DOCK1: variants seen among roughly 807,000 people sequenced by gnomAD.
DOCK1 encodes dedicator of cytokinesis 1.
In DOCK1, 138 loss-of-function variants were observed where a neutral mutation model predicts 262.7. That is an observed-to-expected ratio of 0.53 (90% CI 0.46 to 0.61). DOCK1 has a LOEUF of 0.61. Among genes scored for constraint, DOCK1 ranks in the 20% least tolerant of loss-of-function variants. The probability of loss-of-function intolerance (pLI) is 0.00; values close to 1 mark genes in which losing one functional copy is unlikely to be tolerated. For synonymous variants in DOCK1, 866 were observed against 867.4 expected, an observed-to-expected ratio of 1.00 and a Z score of 0.03; for missense variants, 1,908 against 2,370.7, an observed-to-expected ratio of 0.80 and a Z score of 4.05.
At chr10:127,070,560 A>G (rs1269722664) in intron 23 of DOCK1, among the ~76,000 whole-genome samples, 1 of 151,672 alleles carries the variant, frequency 6.6e-6, no homozygotes, top group African/African-American at 2.4e-5. Context: ...CCTGAACGTA[A>G]CCTTTTGAAG....
chr10:127,442,169 A>C (rs972819721), intron 49 of DOCK1, among the ~76,000 whole-genome samples: 2 of 151,878 alleles, frequency 1.3e-5, no homozygotes, highest in Non-Finnish European at 1.5e-5. Context: ...TCTGTCACTC[A>C]TTTACCAGAG....
chr10:126,920,152 T>C (rs2033033040), intron 1 of DOCK1, among the ~76,000 whole-genome samples: 1 of 152,186 alleles, frequency 6.6e-6, no homozygotes, highest in Non-Finnish European at 1.5e-5. Flanking sequence ...TGTGGCGATG[T>C]TGGTGGGTTG....
rs2062646843 is a variant in DOCK1, at chr10:127,323,934, GA to G, written c.3045-15071del. 3.3e-5 allele frequency among the ~76,000 whole-genome samples: 5 copies of G among 152,236 alleles called. No individual in the cohort carries two copies. In the South Asian group the frequency reaches 1.0e-3, roughly 31 times the overall value. On this transcript the variant is annotated intron_variant, in intron 29 of 51. Coordinates refer to ENST00000623213, the MANE Select transcript of DOCK1 (RefSeq NM_001290223.2). Reference sequence around the variant, plus strand: ...TGTGTGGTTGCCAAAGCCTCCTGTGGAGTAAGGCCCTGCACTGCTTCATCCT... The same window carrying G: ...TGTGTGGTTGCCAAAGCCTCCTGTGGGTAAGGCCCTGCACTGCTTCATCCT...
chr10:127,106,884 C>T (rs888994445), intron 24 of DOCK1, among the ~76,000 whole-genome samples: 6 of 152,110 alleles, frequency 3.9e-5, no homozygotes. Flanking sequence ...GCCAGGTGTG[C>T]TGTTTGTTTC....
intron 27 of DOCK1, among the ~76,000 whole-genome samples, chr10:127,169,490 G>T (rs2054368711): frequency 6.6e-6 from 1 of 152,162 alleles, no homozygotes. Flanking sequence ...TATGAATATG[G>T]TCACTGTATT....
chr10:127,025,446 C>T (rs184908759), intron 15 of DOCK1, among the ~76,000 whole-genome samples: 17 of 152,102 alleles, frequency 1.1e-4, no homozygotes, highest in Admixed American at 5.2e-4. Flanking sequence ...AGAAGAAAAA[C>T]GGCAACTTTT....
chr10:127,212,405 G>A (rs942793772), intron 27 of DOCK1, among the ~76,000 whole-genome samples: 2 of 152,176 alleles, frequency 1.3e-5, no homozygotes, highest in African/African-American at 2.4e-5. Flanking sequence ...ATATGCAAGC[G>A]TCGTGAGATC....
chr10:127,363,015 ACACACACACACACATGCACCTCCCCC>A (rs2064667874), intron 33 of DOCK1, among the ~76,000 whole-genome samples: 1 of 35,286 alleles, frequency 2.8e-5, no homozygotes, highest in South Asian at 9.1e-4. Context: ...GCACATCCCC[ACACACACACACACATGCACCTCCCCC>A]CACACACACA....
chr10:127,277,881 T>C (rs1483194068), intron 29 of DOCK1, among the ~76,000 whole-genome samples: 1 of 152,240 alleles, frequency 6.6e-6, no homozygotes, highest in Admixed American at 6.5e-5. Context: ...AGTCATCTTT[T>C]TAATCTTTTC....
rs528509983 is a variant in DOCK1, at chr10:127,393,333, C to G, written c.3927+8424C>G. 3.3e-5 allele frequency among the ~76,000 whole-genome samples: 5 copies of G among 152,306 alleles called. No homozygotes were observed. The South Asian group carries it at 1.0e-3, about 32-fold the overall frequency. On this transcript the variant is annotated intron_variant, in intron 38 of 51. Coordinates refer to ENST00000623213, the MANE Select transcript of DOCK1 (RefSeq NM_001290223.2). The stretch of plus-strand genomic sequence containing the variant: ...CCCGGCTACAGCTCCACTGATCCAG[C>G]CTGTCTCCTCGTGGCCCATTTCCAT...
chr10:126,978,609 CA>C (rs1385401304), intron 3 of DOCK1, among the ~76,000 whole-genome samples: 3 of 152,162 alleles, frequency 2.0e-5, no homozygotes, highest in Non-Finnish European at 4.4e-5. Context: ...TCTTCTGTTT[CA>C]TTCTACGATG....
chr10:127,106,619 GT>G (rs1398189386), intron 24 of DOCK1, among the ~76,000 whole-genome samples: 1 of 152,088 alleles, frequency 6.6e-6, no homozygotes, highest in Non-Finnish European at 1.5e-5. Flanking sequence ...TTTTGCTCTT[GT>G]TTTCAGCACC....
chr10:127,368,396 C>G (rs1367428715), intron 33 of DOCK1, among the ~76,000 whole-genome samples: 2 of 152,164 alleles, frequency 1.3e-5, no homozygotes, highest in African/African-American at 4.8e-5. Flanking sequence ...TCTTCCTGTC[C>G]TGGTGCCTAA....
At chr10:126,987,671 G>C (rs2039506050) in intron 5 of DOCK1, 54 bp downstream of exon 5, 1 of 1,422,052 alleles carries the variant, frequency 7.0e-7, no homozygotes, top group South Asian at 1.3e-5. Flanking sequence ...GGGCTTTTTT[G>C]ACCCTGATAT....
intron 23 of DOCK1, among the ~76,000 whole-genome samples, chr10:127,066,675 T>C (rs1025544579): frequency 5.3e-5 from 8 of 152,244 alleles, no homozygotes; most frequent in Admixed American, 2.0e-4. Context: ...CAGTGGTTGA[T>C]AGAAATAGCA....
chr10:127,275,920 A>C (rs1471311335), intron 29 of DOCK1, among the ~76,000 whole-genome samples: 2 of 152,218 alleles, frequency 1.3e-5, no homozygotes, highest in African/African-American at 4.8e-5. Context: ...CCTTTCACCA[A>C]TTTCCCCGCT....
intron 23 of DOCK1, among the ~76,000 whole-genome samples, chr10:127,083,870 G>T (rs535611964): frequency 6.6e-6 from 1 of 152,194 alleles, no homozygotes; most frequent in Admixed American, 6.5e-5. Context: ...TTGCTTTAAC[G>T]TAGGGTTAGG....
chr10:127,430,923 C>T (rs909654712), intron 47 of DOCK1, among the ~76,000 whole-genome samples: 1 of 152,184 alleles, frequency 6.6e-6, no homozygotes, highest in Non-Finnish European at 1.5e-5. Context: ...GAGGATCGCT[C>T]CTGGTCAGAA....
Position 127,012,047 on chromosome 10 carries a change from A to G in DOCK1, c.1059-185A>G, listed in dbSNP as rs924686382. 6.6e-6 allele frequency among the ~76,000 whole-genome samples: 1 copy of G among 151,858 alleles called. No homozygotes were observed. The highest frequency in any genetic ancestry group is 2.4e-5 in the African/African-American group (1 of 41,316). ...GCTCTGTTCCCTCTCGTGGTTCAGC[A>G]TTTTCCTGATCAATGCTTTTCCCTG... On this transcript the variant is annotated intron_variant, in intron 11 of 51. Transcript: ENST00000623213. This position sits in a 1 kb window ranked among gnomAD's most constrained non-coding sequence, Gnocchi z 4.0.
Sources: gnomAD v4.1 joint callset for allele counts (sites outside exome capture counted in the v4.1 genomes callset) on GRCh38, gnomAD v4.1.1 for gene constraint, Gnocchi (gnomAD v3.1) non-coding constraint, MANE v1.5 for transcripts, NCBI Gene and HGNC (gene_info 2026-07-23, HGNC 2026-07-21) for gene names.